The following SLC30A2 variants were observed in gnomAD, a reference collection of about 807,000 sequenced individuals.
SLC30A2 encodes proton-coupled zinc antiporter SLC30A2.
Under a neutral mutation model 39.6 loss-of-function variants are expected in SLC30A2, and 19 were observed. The ratio of observed to expected loss-of-function variants is 0.48; its 90% CI spans 0.34 to 0.70. The LOEUF (loss-of-function observed/expected upper bound fraction) is 0.70. Among genes scored for constraint, SLC30A2 ranks in the 30% least tolerant of loss-of-function variants. The pLI is 0.01. For synonymous variants in SLC30A2, 195 were observed against 194.8 expected, an observed-to-expected ratio of 1.00 and a Z score of -0.01; for missense variants, 387 against 479.4, an observed-to-expected ratio of 0.81 and a Z score of 1.80.
At chr1:26,045,632 C>T (rs1304316479) in intron 1 of SLC30A2, among the ~76,000 whole-genome samples, 1 of 152,176 alleles carries the variant, frequency 6.6e-6, no homozygotes, top group Non-Finnish European at 1.5e-5. Context: ...CGGCCCCAGG[C>T]CCCCCGCGGG....
chr1:26,045,015 T>C lies in SLC30A2; in HGVS notation c.253A>G (p.Met85Val). 6.2e-7 allele frequency: 1 copy of C among 1,614,228 alleles called. No homozygotes were observed. The highest frequency in any genetic ancestry group is 8.5e-7 in the Non-Finnish European group (1 of 1,180,032). ...TGCTTACCAACGACTTCTCCGATCA[T>C]GAACAACAGGCAGATGGCAGAGGCT... ...YVASAICLLF[M>V]IGEVVGGYLA... Residue 85 changes from methionine to valine, a missense_variant, in exon 2 of 8, where the codon ATG (methionine) becomes GTG (valine). Transcript: ENST00000374276.
At position 26,045,917 on chromosome 1, in the gene SLC30A2, G is replaced by A. The variant is rs774029038; in HGVS notation, c.-21C>T. On this transcript the variant is annotated 5_prime_UTR_variant, in exon 1 of 8. Transcript: ENST00000374276. ...TCCATGCAGTCCCGCGCCGAGTCCC[G>A]GCAGCCGCGCAGCCGCCCCGCCGAG... 1 of 1,607,752 alleles carries A rather than the reference G, an allele frequency of 6.2e-7. No individual in the cohort carries two copies. Among genetic ancestry groups the A allele is most frequent in the South Asian group, 1.1e-5 (1 of 90,996 alleles).
chr1:26,045,093 G>A lies in SLC30A2; in HGVS notation c.175C>T (p.Pro59Ser), dbSNP rs1569709267. The A allele has an allele frequency of 8.1e-6, 13 of 1,614,218 alleles. No individual in the cohort carries two copies. Among genetic ancestry groups the A allele is most frequent in the East Asian group, 2.2e-5 (1 of 44,880 alleles). ...TTCTTGGGGTCACAGTGACTGTCAG[G>A]ACCCTTCTGAGCATGGCAGTGATGG... is the stretch of plus-strand genomic sequence containing the variant. ...SNHHCHAQKG[P>S]DSHCDPKKGK... Residue 59 changes from proline to serine, a missense_variant, in exon 2 of 8, where the codon CCT becomes TCT. Physicochemically the swap from Pro to Ser is moderately conservative, Grantham distance 74. Transcript: ENST00000374276.
rs1396626924 is a variant in SLC30A2 at position 26,039,312 on chromosome 1, G to T, written c.974-7C>A. 43 of 1,610,060 alleles carry T rather than the reference G, an allele frequency of 2.7e-5. No individual in the cohort carries two copies. The highest frequency in any genetic ancestry group is 3.6e-5 in the Non-Finnish European group (42 of 1,176,666). ...TGGGCGTCTGTATTCTGAGCTGGGG[G>T]CCGAGAGGACACAGCGGGGGAAGCC... On this transcript the variant is annotated splice_polypyrimidine_tract_variant and splice_region_variant and intron_variant, in intron 7 of 7. Transcript: ENST00000374276. The surrounding 1 kb of genome is among the most constrained non-coding windows in gnomAD (Gnocchi z 4.3).
chr1:26,044,911 T>G (rs1439296724), intron 2 of SLC30A2, 86 bp downstream of exon 2: 7 of 1,077,346 alleles, frequency 6.5e-6, no homozygotes, highest in Admixed American at 1.7e-5. Context: ...GTGTGTTCAG[T>G]AATTGGGGCT....
chr1:26,038,364 C>T lies in SLC30A2; in HGVS notation c.*796G>A, dbSNP rs1353294714. The T allele has an allele frequency of 6.6e-6, 1 of 152,430 alleles. No individual in the cohort carries two copies. The highest frequency in any genetic ancestry group is 1.9e-4 in the East Asian group (1 of 5,188). 9.4% of individuals were successfully genotyped at this position (152,430 alleles called of 1,614,324 possible). ...CCACCATGTCAGGCTCCGACTGGGT[C>T]AGGCCAGGTAGGCAACAGAGTTGGC... On this transcript the variant is annotated 3_prime_UTR_variant, in exon 8 of 8. Transcript: ENST00000374276.
intron 6 of SLC30A2, 41 bp downstream of exon 6, chr1:26,041,659 G>A: frequency 8.3e-7 from 1 of 1,204,764 alleles, no homozygotes; most frequent in Middle Eastern, 1.9e-4. Context: ...ATTAGCGCTT[G>A]AGAGCCAAGA....
At position 26,038,582 on chromosome 1, in the gene SLC30A2, C is replaced by T. The variant is rs1020930008; in HGVS notation, c.*578G>A. On this transcript the variant is annotated 3_prime_UTR_variant, in exon 8 of 8. Transcript: ENST00000374276. ...AAGGAAAGAGGAAACCTGTCTCTTA[C>T]CTAGTAAGAAGCCTCTCCCCTCCAG... The T allele has an allele frequency of 5.3e-5, 8 of 152,284 alleles. No homozygotes were observed. Among genetic ancestry groups the T allele is most frequent in the African/African-American group, 1.7e-4 (7 of 41,458 alleles). 9.4% of individuals were successfully genotyped at this position (152,284 alleles called of 1,614,324 possible).
Position 26,039,802 on chromosome 1 carries a change from A to G in SLC30A2, c.948T>C (p.Pro316=), listed in dbSNP as rs1392966428. 2 of 1,613,930 alleles carry G rather than the reference A, an allele frequency of 1.2e-6. No individual in the cohort carries two copies. The highest frequency in any genetic ancestry group is 8.5e-7 in the Non-Finnish European group (1 of 1,180,008). The change falls in exon 7 of 8, where the codon CCT becomes CCC. Residue 316 remains proline (P), a synonymous_variant. Coordinates refer to ENST00000374276, the MANE Select transcript of SLC30A2 (RefSeq NM_001004434.3). This position sits in a 1 kb window ranked among gnomAD's most constrained non-coding sequence, Gnocchi z 4.3. Reference sequence around the variant, plus strand: ...CAATGGCGATGTGGACAGACAGAACAGGCTGGGCCACCGTCAGTGCCCAGA... The same window carrying G: ...CAATGGCGATGTGGACAGACAGAACGGGCTGGGCCACCGTCAGTGCCCAGA... ...LHIWALTVAQ[P]VLSVHIAIAQ... is the part of the protein sequence containing the mutation.
At chr1:26,041,918 T>A in intron 5 of SLC30A2, 113 bp from the exon 6 acceptor site, 1 of 672,718 alleles carries the variant, frequency 1.5e-6, no homozygotes, top group South Asian at 1.8e-5. Context: ...TGGGTGGGCA[T>A]GAGCCTCGCC....
intron 4 of SLC30A2, 80 bp downstream of exon 4, chr1:26,043,318 C>G: frequency 6.9e-7 from 1 of 1,456,862 alleles, no homozygotes; most frequent in Non-Finnish European, 9.5e-7. Context: ...GGCACAGTCT[C>G]TTTCCGCAAA....
At chr1:26,043,049 C>T (rs988987562) in intron 4 of SLC30A2, among the ~76,000 whole-genome samples, 4 of 152,176 alleles carry the variant, frequency 2.6e-5, no homozygotes, top group Non-Finnish European at 5.9e-5. Flanking sequence ...TTGTCTCTAA[C>T]TGAGACCAAT....
rs2050412225 is a variant in SLC30A2, at chr1:26,042,692, G to A, written c.589C>T (p.His197Tyr). Residue 197 changes from histidine (H) to tyrosine (Y), a missense_variant, in exon 5 of 8, where the codon CAC becomes TAC. Transcript: ENST00000374276. The part of the protein sequence containing the change: ...AVNIIMGLTL[H>Y]QSGHGHSHGT... ...TGGCTGTGCCCATGGCCAGACTGGTGAAGGGTCAACCCCATTCTATGGAAG... is the reference window on the plus strand; with the variant it reads ...TGGCTGTGCCCATGGCCAGACTGGTAAAGGGTCAACCCCATTCTATGGAAG... 6.2e-7 allele frequency: 1 copy of A among 1,614,004 alleles called. No homozygotes were observed. The highest frequency in any genetic ancestry group is 8.5e-7 in the Non-Finnish European group (1 of 1,180,032).
rs1203969397 is a variant in SLC30A2 at position 26,037,272 on chromosome 1, C to T, written c.*1888G>A. The T allele has an allele frequency of 2.2e-5, 3 of 137,346 alleles. No individual in the cohort carries two copies. The highest frequency in any genetic ancestry group is 4.5e-5 in the Non-Finnish European group (3 of 66,090). 8.5% of individuals were successfully genotyped at this position (137,346 alleles called of 1,614,324 possible). ...TTTTTAAGCTGGAGTCTCGCTCTGT[C>T]ACCCAGGCTGGAGTGCAGTGGTGTG... On this transcript the variant is annotated 3_prime_UTR_variant, in exon 8 of 8. Transcript: ENST00000374276.
At chr1:26,044,231 C>T (rs1478412336) in intron 3 of SLC30A2, 67 bp downstream of exon 3, 39 of 1,555,606 alleles carry the variant, frequency 2.5e-5, no homozygotes, top group Non-Finnish European at 3.1e-5. Context: ...ATTACAGCCA[C>T]CTAAGAACCC....
At chr1:26,042,127 A>G (rs2050404659) in intron 5 of SLC30A2, among the ~76,000 whole-genome samples, 1 of 152,226 alleles carries the variant, frequency 6.6e-6, no homozygotes, top group African/African-American at 2.4e-5. Context: ...TTGAGGCTCC[A>G]TTAGAGCAAG....
chr1:26,044,344 G>A lies in SLC30A2; in HGVS notation c.372C>T (p.Ser124=). The A allele has an allele frequency of 6.2e-7, 1 of 1,614,052 alleles. No homozygotes were observed. The highest frequency in any genetic ancestry group is 8.5e-7 in the Non-Finnish European group (1 of 1,180,014). The change falls in exon 3 of 8, where the codon TCC becomes TCT. Residue 124 remains serine, a synonymous_variant. Coordinates refer to ENST00000374276, the MANE Select transcript of SLC30A2 (RefSeq NM_001004434.3). ...TCATGGTCTTGGTGGCTGGCCGGGA[G>A]GACATCCAGAGGGAGAAGAGGCTGA... is the stretch of plus-strand genomic sequence containing the variant. The part of the protein sequence containing the change: ...MLISLFSLWM[S]SRPATKTMNF...
chr1:26,043,761 G>A (rs993880807), intron 3 of SLC30A2, among the ~76,000 whole-genome samples: 1 of 151,960 alleles, frequency 6.6e-6, no homozygotes, highest in Non-Finnish European at 1.5e-5. Context: ...GAACTAATAA[G>A]TCATCATCTG....
chr1:26,045,682 G>T (rs987915465), intron 1 of SLC30A2, among the ~76,000 whole-genome samples, 165 bp downstream of exon 1: 19 of 152,148 alleles, frequency 1.2e-4, no homozygotes, highest in African/African-American at 4.3e-4. Context: ...GGGAGAGACG[G>T]TCCTTGGGCC....
Sources: gnomAD v4.1 joint callset for allele counts (sites outside exome capture counted in the v4.1 genomes callset) on GRCh38, gnomAD v4.1.1 for gene constraint, Gnocchi (gnomAD v3.1) non-coding constraint, MANE v1.5 for transcripts, NCBI Gene and HGNC (gene_info 2026-07-23, HGNC 2026-07-21) for gene names.